CELF6: variants seen among roughly 807,000 people sequenced by gnomAD.
The protein encoded by CELF6 is CUGBP Elav-like family member 6.
Under a neutral mutation model 53.1 loss-of-function variants are expected in CELF6, and 32 were observed. The observed-to-expected ratio is 0.60, with a 90% confidence interval of 0.46 to 0.81. The LOEUF (loss-of-function observed/expected upper bound fraction) is 0.81, where lower values mean the gene tolerates loss of function less well. Among genes scored for constraint, CELF6 ranks in the 30% least tolerant of loss-of-function variants. The probability of loss-of-function intolerance (pLI) is 0.00; values close to 1 mark genes in which losing one functional copy is unlikely to be tolerated. For synonymous variants in CELF6, 291 were observed against 288.8 expected (o/e 1.01, Z -0.08); for missense variants, 539 against 669.5 (o/e 0.81, Z 2.15).
intron 2 of CELF6, among the ~76,000 whole-genome samples, 153 bp downstream of exon 2, chr15:72,315,692 T>C (rs1001122813): frequency 6.6e-6 from 1 of 152,190 alleles, no homozygotes; most frequent in African/African-American, 2.4e-5. Flanking sequence ...AAAGAATTTG[T>C]TGCTGTTCAG....
Position 72,289,004 on chromosome 15 carries a change from G to A in CELF6, c.1031-74C>T. 7.1e-7 allele frequency: 1 copy of A among 1,403,276 alleles called. No individual in the cohort carries two copies. The highest frequency in any genetic ancestry group is 9.8e-7 in the Non-Finnish European group (1 of 1,024,464). The allele number at this position is 1,403,276 out of a possible 1,614,324, so 86.9% of individuals were successfully genotyped here. A position where few individuals can be genotyped will look rare whatever the true frequency, so the allele number is the denominator to read the frequency against. On this transcript the variant is annotated intron_variant, in intron 8 of 12. Coordinates refer to ENST00000287202, the MANE Select transcript of CELF6 (RefSeq NM_052840.5). This position sits in a 1 kb window ranked among gnomAD's most constrained non-coding sequence, Gnocchi z 7.6. The stretch of plus-strand genomic sequence containing the variant: ...AGAGTGGGTGAGAAGCTCAGGGAGT[G>A]TGGGAGGTGGACGGCGGCTGTGAGA...
chr15:72,288,660 C>T lies in CELF6; in HGVS notation c.1094-42G>A, dbSNP rs1469420807. On this transcript the variant is annotated intron_variant, in intron 9 of 12. Coordinates refer to ENST00000287202, the MANE Select transcript of CELF6 (RefSeq NM_052840.5). The surrounding 1 kb of genome is among the most constrained non-coding windows in gnomAD (Gnocchi z 4.6). ...GAGTGGACAGTGATCCCCAGGAGCC[C>T]TTCCCCAAGCAGGGCCCCAACTGCC... 2 of 1,537,076 alleles carry T rather than the reference C, an allele frequency of 1.3e-6. No individual in the cohort carries two copies. Among genetic ancestry groups the T allele is most frequent in the African/African-American group, 1.4e-5 (1 of 72,800 alleles).
At position 72,320,021 on chromosome 15, in the gene CELF6, G is replaced by A. The variant is rs2088410352; in HGVS notation, c.-147C>T. The A allele has an allele frequency of 1.5e-6, 1 of 652,612 alleles. No homozygotes were observed. Among genetic ancestry groups the A allele is most frequent in the Admixed American group, 2.3e-5 (1 of 43,646 alleles). The allele number at this position is 652,612 out of a possible 1,614,324, so 40.4% of individuals were successfully genotyped here. ...CTGCCCAGGGGGCGGGGTCCGGGTGGAGGGGCGTAGAGGGGGTGGGGCGGG... is the reference window on the plus strand; with the variant it reads ...CTGCCCAGGGGGCGGGGTCCGGGTGAAGGGGCGTAGAGGGGGTGGGGCGGG... On this transcript the variant is annotated 5_prime_UTR_variant, in exon 1 of 13. Coordinates refer to ENST00000287202, the MANE Select transcript of CELF6 (RefSeq NM_052840.5).
chr15:72,305,963 C>T (rs1289133328), intron 2 of CELF6, among the ~76,000 whole-genome samples: 1 of 151,646 alleles, frequency 6.6e-6, no homozygotes, highest in African/African-American at 2.4e-5. Flanking sequence ...CCAACTTCAT[C>T]TTTTAATTCA....
rs374757353 is a variant in CELF6 at position 72,290,035 on chromosome 15, G to C, written c.524-17C>G. ...AGGCACAGCCTGGGGCAGGACAGAG[G>C]GAGCGGGTGGCTCAGGCCACAGGGG... On this transcript the variant is annotated splice_polypyrimidine_tract_variant and intron_variant, in intron 4 of 12. Transcript: ENST00000287202. 8 of 1,612,386 alleles carry C rather than the reference G, an allele frequency of 5.0e-6. No individual in the cohort carries two copies. In the East Asian group the frequency reaches 1.8e-4, roughly 36 times the overall value.
rs774486208 is a variant in CELF6, at chr15:72,304,711, G to A, written c.394+35C>T. ...TGTGGGCCCACCCTCCCTTACACGGGTTGCAGCCTGAGGTTGGTCAGACAG... is the reference window on the plus strand; with the variant it reads ...TGTGGGCCCACCCTCCCTTACACGGATTGCAGCCTGAGGTTGGTCAGACAG... On this transcript the variant is annotated intron_variant, in intron 3 of 12. Transcript: ENST00000287202. The A allele has an allele frequency of 3.7e-6, 6 of 1,607,106 alleles. No individual in the cohort carries two copies. The Admixed American group carries it at 1.0e-4, about 27-fold the overall frequency.
At chr15:72,291,212 G>T (rs1014608025) in intron 3 of CELF6, among the ~76,000 whole-genome samples, 3 of 152,188 alleles carry the variant, frequency 2.0e-5, no homozygotes, top group Non-Finnish European at 2.9e-5. Context: ...AGCTGGGCCT[G>T]TGTCCCTCGA....
rs1474534625 is a variant in CELF6, at chr15:72,284,992, G to T, written c.*1379C>A. On this transcript the variant is annotated 3_prime_UTR_variant, in exon 13 of 13. Coordinates refer to ENST00000287202, the MANE Select transcript of CELF6 (RefSeq NM_052840.5). ...TGACCAAGGCAAGGTGAGTCATGGT[G>T]TTCTAAGCTGAATCTTTTGCCCATC... 1 of 152,702 alleles carries T rather than the reference G, an allele frequency of 6.5e-6. No individual in the cohort carries two copies. The highest frequency in any genetic ancestry group is 1.5e-5 in the Non-Finnish European group (1 of 68,096). The allele number at this position is 152,702 out of a possible 1,614,324, so 9.5% of individuals were successfully genotyped here.
intron 2 of CELF6, among the ~76,000 whole-genome samples, chr15:72,308,227 TTTTG>T (rs148901715): frequency 0.032 from 4,804 of 152,032 alleles, 154 homozygotes; most frequent in African/African-American, 0.075. Flanking sequence ...TATTGTTTTT[TTTTG>T]TTTGTTTGTT....
At position 72,287,265 on chromosome 15, in the gene CELF6, T is replaced by C; in HGVS notation, c.1446A>G (p.Ter482TrpextTer14). The change falls in exon 12 of 13, where the codon TGA becomes TGG. Residue 482 changes from the stop codon to tryptophan (W), a stop_lost. Coordinates refer to ENST00000287202, the MANE Select transcript of CELF6 (RefSeq NM_052840.5). ...KRPKDANRPY[*>W] is the part of the protein sequence containing the mutation. ...TCTGTGGCTGGTCAGTGAAAGCAGG[T>C]CAGTAAGGCCGGTTGGCATCCTTGG... 6.2e-7 allele frequency: 1 copy of C among 1,613,688 alleles called. No homozygotes were observed. The highest frequency in any genetic ancestry group is 8.5e-7 in the Non-Finnish European group (1 of 1,179,810).
At chr15:72,315,262 C>T (rs1428053232) in intron 2 of CELF6, among the ~76,000 whole-genome samples, 2 of 152,186 alleles carry the variant, frequency 1.3e-5, no homozygotes, top group Non-Finnish European at 2.9e-5. Context: ...TCCCACCTTG[C>T]CTTTTGTTGA....
Position 72,289,762 on chromosome 15 carries a change from C to G in CELF6, c.612G>C (p.Ser204=). 6.9e-7 allele frequency: 1 copy of G among 1,454,522 alleles called. No homozygotes were observed. The highest frequency in any genetic ancestry group is 9.0e-7 in the Non-Finnish European group (1 of 1,109,984). The allele number at this position is 1,454,522 out of a possible 1,614,324, so 90.1% of individuals were successfully genotyped here. Residue 204 remains serine, a synonymous_variant, in exon 6 of 13, where the codon TCG becomes TCC. Coordinates refer to ENST00000287202, the MANE Select transcript of CELF6 (RefSeq NM_052840.5). This position sits in a 1 kb window ranked among gnomAD's most constrained non-coding sequence, Gnocchi z 7.6. ...LHGSRTMAGA[S]SSLVVKLADT... Reference sequence around the variant, plus strand: ...CCGCCAGCTTGACCACGAGGCTGGACGAGGCGCCCTGGGCAGGGCAGGGGA... The same window carrying G: ...CCGCCAGCTTGACCACGAGGCTGGAGGAGGCGCCCTGGGCAGGGCAGGGGA...
In CELF6 at chr15:72,319,255, A is replaced by G. The variant is rs2088397797; in HGVS notation, c.262+358T>C. ...AGTGTTTGGGCTCAGGGTTTGGGAAATTGAGGGTATTCGAGATCTAGAAGG... is the reference window on the plus strand; with the variant it reads ...AGTGTTTGGGCTCAGGGTTTGGGAAGTTGAGGGTATTCGAGATCTAGAAGG... On this transcript the variant is annotated intron_variant, in intron 1 of 12. Coordinates refer to ENST00000287202, the MANE Select transcript of CELF6 (RefSeq NM_052840.5). This position sits in a 1 kb window ranked among gnomAD's most constrained non-coding sequence, Gnocchi z 5.0. 6.6e-6 allele frequency among the ~76,000 whole-genome samples: 1 copy of G among 152,104 alleles called. No homozygotes were observed. The highest frequency in any genetic ancestry group is 2.4e-5 in the African/African-American group (1 of 41,414).
intron 3 of CELF6, among the ~76,000 whole-genome samples, chr15:72,304,119 C>T (rs919679818): frequency 6.6e-6 from 1 of 152,134 alleles, no homozygotes; most frequent in Non-Finnish European, 1.5e-5. Flanking sequence ...GATCCACCCA[C>T]CTCAGCCTCC....
intron 2 of CELF6, chr15:72,306,457 A>C (rs1468111233): frequency 5.1e-6 from 1 of 195,032 alleles, no homozygotes; most frequent in Non-Finnish European, 9.2e-6. Flanking sequence ...CCATAGCCAC[A>C]AGTGCTACCC....
At chr15:72,306,077 A>G in intron 2 of CELF6, 2 of 985,046 alleles carry the variant, frequency 2.0e-6, no homozygotes, top group Non-Finnish European at 2.4e-6. Flanking sequence ...ATTTCAATAT[A>G]TCGCCCCCAC....
rs2088398987 is a variant in CELF6 at position 72,319,359 on chromosome 15, G to A, written c.262+254C>T. On this transcript the variant is annotated intron_variant, in intron 1 of 12. Coordinates refer to ENST00000287202, the MANE Select transcript of CELF6 (RefSeq NM_052840.5). This position sits in a 1 kb window ranked among gnomAD's most constrained non-coding sequence, Gnocchi z 5.0. ...AAGGTCCAATTGAAAGGCAGGGACT[G>A]CTGGGATGTGAGAGGTGGAGGCCAG... Among the ~76,000 whole-genome samples, 1 of 152,184 alleles carries A rather than the reference G, an allele frequency of 6.6e-6. No individual in the cohort carries two copies.
In CELF6 at chr15:72,285,606, T is replaced by C. The variant is rs2087911624; in HGVS notation, c.*765A>G. On this transcript the variant is annotated 3_prime_UTR_variant, in exon 13 of 13. Transcript: ENST00000287202. ...ACAGGAAAGGCAATCCCACTCTTGC[T>C]GGCTAGGGGGCCTCCCGGGATGGCA... The C allele has an allele frequency of 6.6e-6, 1 of 152,296 alleles. No individual in the cohort carries two copies. Among genetic ancestry groups the C allele is most frequent in the Non-Finnish European group, 1.5e-5 (1 of 68,074 alleles). The allele number at this position is 152,296 out of a possible 1,614,324, so 9.4% of individuals were successfully genotyped here. A position where few individuals can be genotyped will look rare whatever the true frequency, so the allele number is the denominator to read the frequency against.
chr15:72,292,324 G>T, intron 3 of CELF6: 1 of 1,223,670 alleles, frequency 8.2e-7, no homozygotes, highest in Non-Finnish European at 1.1e-6. Flanking sequence ...GCTTTGCCTT[G>T]ACATTGGAGA....
Sources: gnomAD v4.1 joint callset for allele counts (sites outside exome capture counted in the v4.1 genomes callset) on GRCh38, gnomAD v4.1.1 for gene constraint, Gnocchi (gnomAD v3.1) non-coding constraint, MANE v1.5 for transcripts, NCBI Gene and HGNC (gene_info 2026-07-23, HGNC 2026-07-21) for gene names.